Variants in AKAP19 observed in about 807,000 individuals in gnomAD.
AKAP19 encodes A-kinase anchoring protein 19.
chr2:190,009,603 G>T, the AKAP19 span, among the ~76,000 whole-genome samples: 1 of 152,184 alleles, frequency 6.6e-6, no homozygotes. Flanking sequence ...TGTTGAGTTT[G>T]AGATGTCTAT....
chr2:190,101,762 C>G, the AKAP19 span, among the ~76,000 whole-genome samples: 1 of 151,626 alleles, frequency 6.6e-6, no homozygotes, highest in Non-Finnish European at 1.5e-5. Flanking sequence ...ACTTGAACAC[C>G]CCACTAACAG....
the AKAP19 span, among the ~76,000 whole-genome samples, chr2:190,133,354 C>A: frequency 6.7e-6 from 1 of 149,962 alleles, no homozygotes; most frequent in Non-Finnish European, 1.5e-5. Flanking sequence ...CATCATTAAT[C>A]ATCAGGGAAA....
At chr2:189,963,085 T>A in the AKAP19 span, among the ~76,000 whole-genome samples, 1 of 152,126 alleles carries the variant, frequency 6.6e-6, no homozygotes, top group Admixed American at 6.6e-5. Flanking sequence ...TCACCAGAAG[T>A]AGATTCCATT....
chr2:190,085,411 G>A, the AKAP19 span, among the ~76,000 whole-genome samples: 7 of 152,200 alleles, frequency 4.6e-5, no homozygotes, highest in East Asian at 5.8e-4. Flanking sequence ...TGAGAAATAC[G>A]AGATCAGTAC....
chr2:189,909,932 T>C, the AKAP19 span, among the ~76,000 whole-genome samples: 1 of 152,078 alleles, frequency 6.6e-6, no homozygotes, highest in African/African-American at 2.4e-5. Flanking sequence ...GTGTTTTTTT[T>C]CAAGTATAAA....
the AKAP19 span, among the ~76,000 whole-genome samples, chr2:189,937,364 A>G: frequency 2.6e-5 from 4 of 152,108 alleles, no homozygotes; most frequent in African/African-American, 9.7e-5. Flanking sequence ...TGTTGTGAGG[A>G]CACTCAAGCA....
the AKAP19 span, among the ~76,000 whole-genome samples, chr2:190,144,286 T>C: frequency 1.3e-5 from 2 of 149,736 alleles, no homozygotes; most frequent in South Asian, 2.1e-4. Context: ...CAAGTCCCAC[T>C]AAAAAGAAAG....
At chr2:190,139,034 T>C in the AKAP19 span, among the ~76,000 whole-genome samples, 1 of 152,250 alleles carries the variant, frequency 6.6e-6, no homozygotes, top group Admixed American at 6.5e-5. Flanking sequence ...TAGGCACTTT[T>C]TAAAGTACTC....
At chr2:190,030,479 T>A in the AKAP19 span, among the ~76,000 whole-genome samples, 7 of 152,218 alleles carry the variant, frequency 4.6e-5, no homozygotes, top group African/African-American at 1.7e-4. Flanking sequence ...ACTACATTGT[T>A]GCCCTTGGTG....
chr2:190,086,568 A>G, the AKAP19 span, among the ~76,000 whole-genome samples: 155 of 152,284 alleles, frequency 1.0e-3, no homozygotes, highest in African/African-American at 3.5e-3. Flanking sequence ...TCCCTCTTCC[A>G]CTTCCCTTCC....
the AKAP19 span, among the ~76,000 whole-genome samples, chr2:190,069,136 ATGTGTGTGTGTG>A: frequency 0.015 from 1,956 of 127,724 alleles, 20 homozygotes; most frequent in Non-Finnish European, 0.022. Flanking sequence ...GTGCATGCAT[ATGTGTGTGTGTG>A]TGTGTGTGTG....
the AKAP19 span, among the ~76,000 whole-genome samples, chr2:190,152,888 G>A: frequency 2.8e-5 from 4 of 143,950 alleles, no homozygotes; most frequent in Non-Finnish European, 6.0e-5. Context: ...GGATTTACTC[G>A]CCCATTCTTT....
the AKAP19 span, among the ~76,000 whole-genome samples, chr2:190,023,859 A>G: frequency 2.0e-5 from 3 of 150,404 alleles, no homozygotes; most frequent in Non-Finnish European, 3.0e-5. Context: ...AAGTAGTTTG[A>G]AGTAAAGCTA....
the AKAP19 span, among the ~76,000 whole-genome samples, chr2:189,941,424 T>G: frequency 6.6e-6 from 1 of 152,158 alleles, no homozygotes; most frequent in Non-Finnish European, 1.5e-5. Context: ...TGTTAAGAGA[T>G]AAGCAGTATA....
the AKAP19 span, among the ~76,000 whole-genome samples, chr2:190,186,436 T>C: frequency 2.6e-5 from 4 of 152,206 alleles, no homozygotes; most frequent in East Asian, 1.9e-4. The surrounding 1 kb of genome is among the most constrained non-coding windows in gnomAD (Gnocchi z 5.5). Flanking sequence ...CCTGAGCCCA[T>C]CCTGTCAGTG....
chr2:190,113,238 C>T, the AKAP19 span, among the ~76,000 whole-genome samples: 1 of 151,894 alleles, frequency 6.6e-6, no homozygotes, highest in Non-Finnish European at 1.5e-5. Context: ...TGAAATTTTC[C>T]TCATGATATT....
chr2:190,095,402 C>T, the AKAP19 span: 1 of 152,082 alleles, frequency 6.6e-6, no homozygotes, highest in Non-Finnish European at 1.5e-5. Flanking sequence ...GAAGGTGGGA[C>T]TTTTGGGAGG....
At chr2:190,107,276 A>T in the AKAP19 span, among the ~76,000 whole-genome samples, 1 of 152,194 alleles carries the variant, frequency 6.6e-6, no homozygotes, top group Non-Finnish European at 1.5e-5. Context: ...CTATGTCTTT[A>T]TCTGTAAAAT....
At chr2:189,973,045 A>G in the AKAP19 span, among the ~76,000 whole-genome samples, 1 of 152,220 alleles carries the variant, frequency 6.6e-6, no homozygotes, top group African/African-American at 2.4e-5. Context: ...GAGAGAGGGC[A>G]TCCCTGTCTT....
Sources: gnomAD v4.1 joint callset for allele counts (sites outside exome capture counted in the v4.1 genomes callset) on GRCh38, gnomAD v4.1.1 for gene constraint, Gnocchi (gnomAD v3.1) non-coding constraint, MANE v1.5 for transcripts, NCBI Gene and HGNC (gene_info 2026-07-23, HGNC 2026-07-21) for gene names.